TXLNB: variants seen among roughly 807,000 people sequenced by gnomAD.
TXLNB encodes the protein beta-taxilin.
A neutral mutation model predicts 57.4 loss-of-function variants in TXLNB; 37 were observed. That is an observed-to-expected ratio of 0.64 (90% CI 0.50 to 0.85). TXLNB has a LOEUF of 0.85. Ranked by LOEUF, TXLNB falls within the 40% of genes least tolerant of loss-of-function variation. The pLI, the probability that TXLNB is intolerant of heterozygous loss-of-function variation, is 0.00. For missense variants in TXLNB, 848 were observed against 825.6 expected (o/e 1.03, Z -0.33); for synonymous variants, 302 against 309.6 (o/e 0.98, Z 0.26).
chr6:139,316,073 A>G, the TXLNB span, among the ~76,000 whole-genome samples: 2 of 152,252 alleles, frequency 1.3e-5, no homozygotes, highest in Non-Finnish European at 2.9e-5. Flanking sequence ...ATATTTGGTA[A>G]GAATATACAG....
intron 4 of TXLNB, chr6:139,269,291 C>T (rs1341001019): frequency 6.6e-6 from 1 of 152,220 alleles, no homozygotes; most frequent in East Asian, 1.9e-4. Flanking sequence ...TGATCCCACC[C>T]TATCTGATTT....
chr6:139,159,945 C>T, the TXLNB span, among the ~76,000 whole-genome samples: 5 of 152,286 alleles, frequency 3.3e-5, no homozygotes, highest in Admixed American at 3.3e-4. Flanking sequence ...TGGGGCTCCT[C>T]AGTGAATGAG....
chr6:139,266,249 A>G (rs1776612270), intron 4 of TXLNB, among the ~76,000 whole-genome samples: 1 of 152,242 alleles, frequency 6.6e-6, no homozygotes. Context: ...AGAAAAGACA[A>G]TTAGAGAAGG....
chr6:139,286,204 T>A (rs1777170459), intron 2 of TXLNB, among the ~76,000 whole-genome samples: 2 of 148,338 alleles, frequency 1.3e-5, no homozygotes, highest in Non-Finnish European at 3.0e-5. Flanking sequence ...CAGAAGAGAG[T>A]ACTAATAATT....
chr6:139,283,342 C>A (rs1469929738), intron 2 of TXLNB, among the ~76,000 whole-genome samples: 1 of 142,774 alleles, frequency 7.0e-6, no homozygotes, highest in South Asian at 2.4e-4. Flanking sequence ...TTTGGGAGAC[C>A]GACGCAGGCG....
chr6:139,256,123 T>G (rs1033236222), intron 6 of TXLNB, among the ~76,000 whole-genome samples: 5 of 152,046 alleles, frequency 3.3e-5, no homozygotes, highest in African/African-American at 1.2e-4. Flanking sequence ...ATAATTGGTC[T>G]AAAAAAGTTG....
the TXLNB span, among the ~76,000 whole-genome samples, chr6:139,181,526 A>G: frequency 6.6e-6 from 1 of 152,224 alleles, no homozygotes; most frequent in Non-Finnish European, 1.5e-5. Context: ...GCTTGTATTC[A>G]GGTCACCTTT....
At chr6:139,313,417 A>G in the TXLNB span, among the ~76,000 whole-genome samples, 1 of 152,090 alleles carries the variant, frequency 6.6e-6, no homozygotes, top group East Asian at 1.9e-4. Flanking sequence ...GACTTTAGCC[A>G]GGAACCTAGG....
chr6:139,262,251 G>A (rs1449685156), intron 5 of TXLNB, among the ~76,000 whole-genome samples: 2 of 152,162 alleles, frequency 1.3e-5, no homozygotes, highest in Non-Finnish European at 2.9e-5. Context: ...TCTTAAGAGG[G>A]AGTGCGTGAG....
intron 4 of TXLNB, among the ~76,000 whole-genome samples, chr6:139,264,749 G>A (rs1391931922): frequency 2.0e-5 from 3 of 151,928 alleles, no homozygotes; most frequent in South Asian, 2.1e-4. Flanking sequence ...TAGTAGAGAC[G>A]GGGTTTCACC....
At chr6:139,319,589 C>T in the TXLNB span, among the ~76,000 whole-genome samples, 4 of 151,890 alleles carry the variant, frequency 2.6e-5, no homozygotes, top group East Asian at 3.9e-4. Flanking sequence ...TAGGGAGAAC[C>T]CATCTCTACA....
At chr6:139,164,200 G>A in the TXLNB span, among the ~76,000 whole-genome samples, 2 of 151,940 alleles carry the variant, frequency 1.3e-5, no homozygotes, top group African/African-American at 4.8e-5. Flanking sequence ...CGTGCCCCAC[G>A]CTGCCACCAG....
At chr6:139,287,978 T>C (rs910525025) in intron 2 of TXLNB, among the ~76,000 whole-genome samples, 3 of 152,226 alleles carry the variant, frequency 2.0e-5, no homozygotes, top group Admixed American at 1.3e-4. Flanking sequence ...TAAACACTCA[T>C]TGGGCACCTG....
At chr6:139,218,813 T>C in the TXLNB span, among the ~76,000 whole-genome samples, 12 of 152,142 alleles carry the variant, frequency 7.9e-5, no homozygotes, top group Admixed American at 3.9e-4. Context: ...CAAAAAACCA[T>C]TGAAGAAGTC....
chr6:139,168,732 T>C, the TXLNB span, among the ~76,000 whole-genome samples: 1 of 152,154 alleles, frequency 6.6e-6, no homozygotes, highest in Non-Finnish European at 1.5e-5. Context: ...TTAGGAAACA[T>C]CCCCCAGGAG....
downstream of TXLNB, among the ~76,000 whole-genome samples, chr6:139,237,117 G>A (rs1172418400): frequency 2.6e-5 from 4 of 151,938 alleles, no homozygotes; most frequent in East Asian, 1.9e-4. Flanking sequence ...ATAGTCTTAC[G>A]GTTTTATCTT....
chr6:139,190,920 A>C, the TXLNB span, among the ~76,000 whole-genome samples: 1 of 152,088 alleles, frequency 6.6e-6, no homozygotes, highest in African/African-American at 2.4e-5. Flanking sequence ...GGGATTATTT[A>C]AGTAGTTAAG....
the TXLNB span, among the ~76,000 whole-genome samples, chr6:139,208,677 T>C: frequency 6.6e-6 from 1 of 152,050 alleles, no homozygotes; most frequent in Non-Finnish European, 1.5e-5. Context: ...ATAAACACAA[T>C]TAAAAACAAA....
At chr6:139,214,356 A>T in the TXLNB span, among the ~76,000 whole-genome samples, 1 of 152,230 alleles carries the variant, frequency 6.6e-6, no homozygotes, top group Non-Finnish European at 1.5e-5. Context: ...TCCAGCATAC[A>T]AACAGAACCA....
Sources: gnomAD v4.1 joint callset for allele counts (sites outside exome capture counted in the v4.1 genomes callset) on GRCh38, gnomAD v4.1.1 for gene constraint, MANE v1.5 for transcripts, NCBI Gene and HGNC (gene_info 2026-07-23, HGNC 2026-07-21) for gene names.